Variants in AFG2A observed in about 807,000 individuals in gnomAD.
The protein encoded by AFG2A is ATPase family gene 2 protein homolog A.
At chr4:122,927,871 T>C in the AFG2A span, 3 of 1,355,702 alleles carry the variant, frequency 2.2e-6, no homozygotes, top group African/African-American at 1.5e-5. Context: ...GAAATGCTCA[T>C]TGGAACATTT....
chr4:123,257,857 A>G, the AFG2A span, among the ~76,000 whole-genome samples: 1 of 152,226 alleles, frequency 6.6e-6, no homozygotes, highest in Non-Finnish European at 1.5e-5. Context: ...TCATGGTAGT[A>G]ACATCGAAGT....
chr4:123,314,166 G>A, the AFG2A span: 11 of 991,586 alleles, frequency 1.1e-5, no homozygotes, highest in African/African-American at 1.2e-4. Context: ...TAGGCAAAAT[G>A]TTTGAAGTAT....
chr4:123,072,559 A>G, the AFG2A span, among the ~76,000 whole-genome samples: 1,836 of 152,316 alleles, frequency 0.012, 42 homozygotes, highest in African/African-American at 0.041. Flanking sequence ...AAAGTGAGCA[A>G]GAAACCTTAA....
the AFG2A span, among the ~76,000 whole-genome samples, chr4:123,159,978 A>G: frequency 6.6e-6 from 1 of 152,180 alleles, no homozygotes; most frequent in Non-Finnish European, 1.5e-5. Context: ...TGAATCTAAC[A>G]TGGGTGTGAA....
At chr4:123,252,990 T>C in the AFG2A span, among the ~76,000 whole-genome samples, 1 of 152,346 alleles carries the variant, frequency 6.6e-6, no homozygotes, top group Admixed American at 6.5e-5. Context: ...ATATTTTGAC[T>C]ATTCACTCAT....
chr4:122,974,646 T>C, the AFG2A span, among the ~76,000 whole-genome samples: 1 of 151,832 alleles, frequency 6.6e-6, no homozygotes, highest in South Asian at 2.1e-4. Context: ...AGTGGAAAAC[T>C]CTTTTTTTTT....
the AFG2A span, among the ~76,000 whole-genome samples, chr4:123,225,476 C>T: frequency 1.3e-5 from 2 of 152,134 alleles, no homozygotes; most frequent in African/African-American, 2.4e-5. Context: ...GAATCCTTTC[C>T]CCATTTCTTG....
chr4:123,143,434 G>C, the AFG2A span, among the ~76,000 whole-genome samples: 7 of 151,898 alleles, frequency 4.6e-5, no homozygotes, highest in East Asian at 1.3e-3. Flanking sequence ...TCACATCTGT[G>C]CCTTTCTTTC....
the AFG2A span, among the ~76,000 whole-genome samples, chr4:123,022,453 A>G: frequency 6.6e-6 from 1 of 151,892 alleles, no homozygotes; most frequent in East Asian, 1.9e-4. Context: ...ATCACTGGCC[A>G]TCAGAGAAAT....
chr4:123,300,223 A>G, the AFG2A span, among the ~76,000 whole-genome samples: 1 of 152,184 alleles, frequency 6.6e-6, no homozygotes, highest in South Asian at 2.1e-4. Flanking sequence ...AGAGGAAAAA[A>G]ATGCATGGGT....
At chr4:122,984,225 G>A in the AFG2A span, among the ~76,000 whole-genome samples, 1 of 152,098 alleles carries the variant, frequency 6.6e-6, no homozygotes, top group East Asian at 1.9e-4. Flanking sequence ...ATTGTAAAAG[G>A]GTTGAGTTAT....
the AFG2A span, among the ~76,000 whole-genome samples, chr4:123,006,519 A>G: frequency 6.6e-6 from 1 of 152,164 alleles, no homozygotes. Flanking sequence ...ACACACATAT[A>G]TATGGAGATT....
At chr4:123,272,241 G>GTGTA in the AFG2A span, among the ~76,000 whole-genome samples, 2 of 152,032 alleles carry the variant, frequency 1.3e-5, no homozygotes, top group South Asian at 2.1e-4. Flanking sequence ...CATTCTCTTT[G>GTGTA]TGTATGTATG....
the AFG2A span, among the ~76,000 whole-genome samples, chr4:123,292,065 T>C: frequency 2.0e-5 from 3 of 152,296 alleles, no homozygotes; most frequent in East Asian, 5.8e-4. Flanking sequence ...TTCATTTCTT[T>C]TAATTCTTGT....
chr4:122,967,930 A>G, the AFG2A span, among the ~76,000 whole-genome samples: 1 of 152,174 alleles, frequency 6.6e-6, no homozygotes, highest in Non-Finnish European at 1.5e-5. Flanking sequence ...ACTTCATTGT[A>G]TATGTACATA....
At chr4:123,260,513 T>C in the AFG2A span, among the ~76,000 whole-genome samples, 1 of 152,236 alleles carries the variant, frequency 6.6e-6, no homozygotes, top group African/African-American at 2.4e-5. Flanking sequence ...AAATTACTTT[T>C]CTGTCTCACT....
the AFG2A span, among the ~76,000 whole-genome samples, chr4:123,225,271 A>G: frequency 1.3e-5 from 2 of 152,210 alleles, no homozygotes; most frequent in Non-Finnish European, 2.9e-5. Flanking sequence ...TGTTTTAGAC[A>G]TGAAGTTCTT....
chr4:123,292,098 G>A, the AFG2A span, among the ~76,000 whole-genome samples: 2 of 151,924 alleles, frequency 1.3e-5, no homozygotes, highest in East Asian at 1.9e-4. Flanking sequence ...TTCTGATTTG[G>A]TTGATTCAAA....
chr4:123,040,189 CT>C, the AFG2A span, among the ~76,000 whole-genome samples: 2 of 151,656 alleles, frequency 1.3e-5, no homozygotes, highest in African/African-American at 4.8e-5. Context: ...TTTGAAATTG[CT>C]TTTTTTGTGT....
Sources: allele counts gnomAD v4.1 joint callset (sites outside exome capture counted in the v4.1 genomes callset), GRCh38; gene constraint gnomAD v4.1.1; transcripts MANE v1.5; gene names NCBI Gene and HGNC (gene_info 2026-07-23, HGNC 2026-07-21).